B4GALT5: variants seen among roughly 807,000 people sequenced by gnomAD.
B4GALT5 encodes the protein beta-1,4-galactosyltransferase 5.
A neutral mutation model predicts 45.0 loss-of-function variants in B4GALT5; 11 were observed. The observed-to-expected ratio is 0.24, with a 90% confidence interval of 0.15 to 0.40. The LOEUF (loss-of-function observed/expected upper bound fraction) is 0.40. B4GALT5 is among the 10% of genes least tolerant of loss of function. The pLI is 1.00. For missense variants in B4GALT5, 337 were observed against 500.2 expected (o/e 0.67, Z 3.11); for synonymous variants, 185 against 182.9 (o/e 1.01, Z -0.09).
chr20:49,659,884 C>T (rs1210219576), intron 1 of B4GALT5, among the ~76,000 whole-genome samples: 1 of 151,552 alleles, frequency 6.6e-6, no homozygotes, highest in Non-Finnish European at 1.5e-5. Context: ...TCAAGTGATT[C>T]TCATACCTCA....
chr20:49,636,228 G>A lies in B4GALT5; in HGVS notation c.*84C>T, dbSNP rs898858988. ...CACAGTATTTCTGTTCTCTTGCTGT[G>A]TAGACCCTCCCCCCTCCAAAAAAAA... On this transcript the variant is annotated 3_prime_UTR_variant, in exon 9 of 9. Coordinates refer to ENST00000371711, the MANE Select transcript of B4GALT5 (RefSeq NM_004776.4). The A allele has an allele frequency of 1.3e-4, 193 of 1,512,932 alleles. No individual in the cohort carries two copies. In the Middle Eastern group the frequency reaches 1.4e-3, roughly 11 times the overall value. 93.7% of individuals were successfully genotyped at this position (1,512,932 alleles called of 1,614,324 possible).
chr20:49,668,669 C>T (rs1264351783), intron 1 of B4GALT5, among the ~76,000 whole-genome samples: 1 of 152,114 alleles, frequency 6.6e-6, no homozygotes, highest in Non-Finnish European at 1.5e-5. Flanking sequence ...ACCAGCACTG[C>T]CACACTCCTC....
At chr20:49,702,678 A>G (rs1460735420) in intron 1 of B4GALT5, among the ~76,000 whole-genome samples, 1 of 151,864 alleles carries the variant, frequency 6.6e-6, no homozygotes, top group Non-Finnish European at 1.5e-5. Flanking sequence ...AACATAGGGC[A>G]ATCCCATCTC....
chr20:49,710,425 T>C (rs1179010340), intron 1 of B4GALT5, among the ~76,000 whole-genome samples: 2 of 143,508 alleles, frequency 1.4e-5, no homozygotes, highest in African/African-American at 5.2e-5. Flanking sequence ...TTTTTGTGTG[T>C]GTGTGTGTGT....
chr20:49,635,036 T>C lies in B4GALT5; in HGVS notation c.*1276A>G, dbSNP rs1568712689. 1 of 152,284 alleles carries C rather than the reference T, an allele frequency of 6.6e-6. No homozygotes were observed. Among genetic ancestry groups the C allele is most frequent in the Non-Finnish European group, 1.5e-5 (1 of 68,076 alleles). The allele number at this position is 152,284 out of a possible 1,614,324, so 9.4% of individuals were successfully genotyped here. On this transcript the variant is annotated 3_prime_UTR_variant, in exon 9 of 9. Coordinates refer to ENST00000371711, the MANE Select transcript of B4GALT5 (RefSeq NM_004776.4). ...CAAGTGTCACCAGCTCCCTGGCTCC[T>C]GGCTCCCTATTTGAGTGCTCCTTGG...
chr20:49,683,225 G>GTTCTCC (rs1472198529), intron 1 of B4GALT5, among the ~76,000 whole-genome samples: 4 of 152,104 alleles, frequency 2.6e-5, no homozygotes. Context: ...CACAAATAAT[G>GTTCTCC]TTCTCCTTAG....
Position 49,635,518 on chromosome 20 carries a change from C to CTA in B4GALT5, c.*792_*793dup, listed in dbSNP as rs1292428345. The CTA allele has an allele frequency of 6.6e-6, 1 of 152,320 alleles. No individual in the cohort carries two copies. Among genetic ancestry groups the CTA allele is most frequent in the Non-Finnish European group, 1.5e-5 (1 of 68,042 alleles). 9.4% of individuals were successfully genotyped at this position (152,320 alleles called of 1,614,324 possible). ...TTATTTTGTTCTTTTGTGACATGCC[C>CTA]TATATCCACTCCCTCGCCAAAGTGA... is the stretch of plus-strand genomic sequence containing the variant. On this transcript the variant is annotated 3_prime_UTR_variant, in exon 9 of 9. Transcript: ENST00000371711.
At chr20:49,694,664 G>A (rs754672948) in intron 1 of B4GALT5, among the ~76,000 whole-genome samples, 1 of 41,374 alleles carries the variant, frequency 2.4e-5, no homozygotes, top group African/African-American at 5.7e-5. Context: ...GAAAAGGAAA[G>A]GGAAAGGGAA....
chr20:49,703,165 CAAA>C (rs11452162), intron 1 of B4GALT5, among the ~76,000 whole-genome samples: 3 of 91,240 alleles, frequency 3.3e-5, no homozygotes, highest in Admixed American at 1.3e-4. Context: ...GACTCCGTCT[CAAA>C]AAAAAAAAAA....
At chr20:49,685,751 A>T (rs1235351008) in intron 1 of B4GALT5, among the ~76,000 whole-genome samples, 2 of 152,172 alleles carry the variant, frequency 1.3e-5, no homozygotes, top group Admixed American at 6.5e-5. Flanking sequence ...TAGAAATCAA[A>T]TACAATACAC....
At chr20:49,675,896 G>C (rs889758087) in intron 1 of B4GALT5, among the ~76,000 whole-genome samples, 1 of 152,108 alleles carries the variant, frequency 6.6e-6, no homozygotes, top group African/African-American at 2.4e-5. Context: ...ATCATTACAG[G>C]AATGAGTGAC....
intron 2 of B4GALT5, among the ~76,000 whole-genome samples, chr20:49,647,929 C>T (rs1017205618): frequency 3.3e-5 from 5 of 152,172 alleles, no homozygotes; most frequent in Admixed American, 1.3e-4. Context: ...TGTGAGACCT[C>T]CCAGTCCTCT....
Position 49,667,794 on chromosome 20 carries a change from C to T in B4GALT5, c.116-11092G>A, listed in dbSNP as rs762968898. Reference sequence around the variant, plus strand: ...CTTCAGGAGTGGGTGCCAATACTCACGCTATAATGCATCCCCCAAATTTTA... The same window carrying T: ...CTTCAGGAGTGGGTGCCAATACTCATGCTATAATGCATCCCCCAAATTTTA... On this transcript the variant is annotated intron_variant, in intron 1 of 8. Coordinates refer to ENST00000371711, the MANE Select transcript of B4GALT5 (RefSeq NM_004776.4). 5.9e-5 allele frequency among the ~76,000 whole-genome samples: 9 copies of T among 152,296 alleles called. No homozygotes were observed. In the East Asian group the frequency reaches 1.3e-3, roughly 23 times the overall value.
chr20:49,642,870 C>G lies in B4GALT5; in HGVS notation c.490-286G>C, dbSNP rs572813546. On this transcript the variant is annotated intron_variant, in intron 4 of 8. Transcript: ENST00000371711. ...ATTCTACACTGTGACAAAAATACAT[C>G]TATAAACTTACAATTAAAACAAGCT... Among the ~76,000 whole-genome samples the G allele has an allele frequency of 1.2e-3, 182 of 152,312 alleles. 1 individual carries two copies. The highest frequency in any genetic ancestry group is 0.01 in the Middle Eastern group (3 of 294).
At chr20:49,686,523 TA>T (rs543904614) in intron 1 of B4GALT5, among the ~76,000 whole-genome samples, 24 of 148,824 alleles carry the variant, frequency 1.6e-4, no homozygotes, top group South Asian at 4.2e-4. Flanking sequence ...AGCCAATGGT[TA>T]AAAAAAAAAT....
In B4GALT5 at chr20:49,663,679, A is replaced by AAAAAAAG. The variant is rs1364086444; in HGVS notation, c.116-6978_116-6977insCTTTTTT. On this transcript the variant is annotated intron_variant, in intron 1 of 8. Coordinates refer to ENST00000371711, the MANE Select transcript of B4GALT5 (RefSeq NM_004776.4). ...CATAGTGAGAATTCATCTCAAGAAA[A>AAAAAAAG]AAAAAAAAAAAATATATACATATAT... Among the ~76,000 whole-genome samples the AAAAAAAG allele has an allele frequency of 1.9e-3, 145 of 74,938 alleles. 14 individuals are homozygous for AAAAAAAG. Among genetic ancestry groups the AAAAAAAG allele is most frequent in the African/African-American group, 3.9e-3 (68 of 17,220 alleles). The allele number at this position is 74,938 out of a possible 152,430, so 49.2% of individuals were successfully genotyped here. A position where few individuals can be genotyped will look rare whatever the true frequency, so the allele number is the denominator to read the frequency against.
intron 1 of B4GALT5, among the ~76,000 whole-genome samples, chr20:49,682,893 G>C (rs988573689): frequency 1.2e-4 from 18 of 152,126 alleles, no homozygotes; most frequent in African/African-American, 4.3e-4. Context: ...AGGAGTTTAA[G>C]ATCAGCCTGG....
intron 1 of B4GALT5, among the ~76,000 whole-genome samples, chr20:49,658,240 G>C (rs2085651285): frequency 6.6e-6 from 1 of 152,194 alleles, no homozygotes; most frequent in Non-Finnish European, 1.5e-5. Flanking sequence ...ATAACTGTGT[G>C]AAGTCTCTGA....
chr20:49,672,278 T>C (rs890472988), intron 1 of B4GALT5, among the ~76,000 whole-genome samples: 3 of 152,240 alleles, frequency 2.0e-5, no homozygotes, highest in Admixed American at 6.5e-5. Context: ...GAAGGCAGCA[T>C]TCCAACTGGT....
Sources: gnomAD v4.1 joint callset for allele counts (sites outside exome capture counted in the v4.1 genomes callset) on GRCh38, gnomAD v4.1.1 for gene constraint, MANE v1.5 for transcripts, NCBI Gene and HGNC (gene_info 2026-07-23, HGNC 2026-07-21) for gene names.